CHD7: variants seen among roughly 807,000 people sequenced by gnomAD.
CHD7 encodes chromodomain helicase DNA binding protein 7.
A neutral mutation model predicts 307.3 loss-of-function variants in CHD7; 24 were observed. The observed-to-expected ratio is 0.08, with a 90% CI of 0.06 to 0.11. The LOEUF (loss-of-function observed/expected upper bound fraction) is 0.11. CHD7 is among the 10% of genes least tolerant of loss of function. The pLI is 1.00. For missense variants in CHD7, 3,106 were observed against 3,727.1 expected, an observed-to-expected ratio of 0.83 and a Z score of 4.34; for synonymous variants, 1,363 against 1,349.9, an observed-to-expected ratio of 1.01 and a Z score of -0.21.
At chr8:60,728,631 C>T (rs1403492180) in intron 1 of CHD7, among the ~76,000 whole-genome samples, 1 of 152,058 alleles carries the variant, frequency 6.6e-6, no homozygotes, top group Non-Finnish European at 1.5e-5. Context: ...CTTGATGTGC[C>T]CGCCTAGCTG....
Position 60,853,360 on chromosome 8 carries a change from G to C in CHD7, c.6635G>C (p.Ser2212Thr). 1 of 1,563,260 alleles carries C rather than the reference G, an allele frequency of 6.4e-7. No homozygotes were observed. Among genetic ancestry groups the C allele is most frequent in the South Asian group, 1.2e-5 (1 of 82,110 alleles). Residue 2212 changes from serine (S) to threonine (T), a missense_variant, in exon 31 of 38, where the codon AGC becomes ACC. Ser to Thr is a moderately conservative substitution (Grantham distance 58). Coordinates refer to ENST00000423902, the MANE Select transcript of CHD7 (RefSeq NM_017780.4). ...ESKQECEAEA[S>T]SVKNELKGVE... ...AAGCAGGAATGTGAGGCAGAGGCCAGCTCTGTGAAAAATGAACTGAAAGGT... is the reference window on the plus strand; with the variant it reads ...AAGCAGGAATGTGAGGCAGAGGCCACCTCTGTGAAAAATGAACTGAAAGGT...
intron 1 of CHD7, among the ~76,000 whole-genome samples, chr8:60,687,063 G>T (rs547329870): frequency 1.3e-5 from 2 of 152,318 alleles, no homozygotes; most frequent in East Asian, 3.9e-4. Context: ...TTACTGGCAT[G>T]CACCACTGTG....
Position 60,847,177 on chromosome 8 carries a change from T to C in CHD7, c.5211-1338T>C, listed in dbSNP as rs139483328. On this transcript the variant is annotated intron_variant, in intron 23 of 37. Coordinates refer to ENST00000423902, the MANE Select transcript of CHD7 (RefSeq NM_017780.4). ...TCACACTTGGCCTATCCAGAACCCA[T>C]GCTGGCCGTGAGTAGGCTCGTGGTT... Among the ~76,000 whole-genome samples, 248 of 152,322 alleles carry C rather than the reference T, an allele frequency of 1.6e-3. 1 individual carries two copies. The highest frequency in any genetic ancestry group is 6.8e-3 in the Middle Eastern group (2 of 294).
At chr8:60,853,763 A>G (rs1159091167) in intron 31 of CHD7, among the ~76,000 whole-genome samples, 1 of 152,218 alleles carries the variant, frequency 6.6e-6, no homozygotes, top group Non-Finnish European at 1.5e-5. Context: ...ATGGAAGTTA[A>G]CTTGTAGTGA....
intron 23 of CHD7, 24 bp downstream of exon 23, chr8:60,845,433 GGA>G (rs1563652717): frequency 1.2e-6 from 2 of 1,604,216 alleles, no homozygotes; most frequent in East Asian, 5.1e-5. Context: ...GGGTGGACCT[GGA>G]GAGCTTAATT....
chr8:60,808,971 T>C (rs954604037), intron 7 of CHD7: 1 of 152,232 alleles, frequency 6.6e-6, no homozygotes, highest in African/African-American at 2.4e-5. Context: ...TCATTGATAA[T>C]GTAAACATTA....
chr8:60,769,622 T>C (rs1810623225), intron 2 of CHD7, among the ~76,000 whole-genome samples: 1 of 152,230 alleles, frequency 6.6e-6, no homozygotes, highest in Non-Finnish European at 1.5e-5. Flanking sequence ...AAGGGCAATA[T>C]CTAACTAGAA....
At chr8:60,760,695 A>G (rs1364160884) in intron 2 of CHD7, among the ~76,000 whole-genome samples, 1 of 151,626 alleles carries the variant, frequency 6.6e-6, no homozygotes, top group Non-Finnish European at 1.5e-5. Context: ...ACATGAACAG[A>G]CACTTCTCAA....
rs762351985 is a variant in CHD7 at position 60,851,277 on chromosome 8, C to T, written c.5623C>T (p.Pro1875Ser). Residue 1875 changes from proline to serine, a missense_variant, in exon 28 of 38, where the codon CCT (proline) becomes TCT (serine). By Grantham distance (74) the Pro-to-Ser change is moderately conservative (BLOSUM62 -1). Coordinates refer to ENST00000423902, the MANE Select transcript of CHD7 (RefSeq NM_017780.4). ...TGCTTTCAAGGAATTTGCAAATTCTCCTTCAGAGGATAAGGAAGAATCCAT... is the reference window on the plus strand; with the variant it reads ...TGCTTTCAAGGAATTTGCAAATTCTTCTTCAGAGGATAAGGAAGAATCCAT... ...KDEIDEFANSPSEDKEESMEI... is the reference protein window; with the variant it reads ...KDEIDEFANSSSEDKEESMEI... The T allele has an allele frequency of 4.5e-6, 7 of 1,556,572 alleles. No homozygotes were observed. Among genetic ancestry groups the T allele is most frequent in the East Asian group, 2.4e-5 (1 of 41,638 alleles).
intron 19 of CHD7, 124 bp from the exon 20 acceptor site, chr8:60,841,520 A>G (rs1175319712): frequency 1.4e-6 from 1 of 735,652 alleles, no homozygotes; most frequent in Admixed American, 2.1e-5. Flanking sequence ...AGTCCCATCT[A>G]CTGTAGTGTC....
intron 2 of CHD7, among the ~76,000 whole-genome samples, chr8:60,759,934 A>G (rs1810096274): frequency 6.6e-6 from 1 of 152,122 alleles, no homozygotes; most frequent in Admixed American, 6.5e-5. Context: ...ATACGTGCTG[A>G]GAATATAATG....
Position 60,865,795 on chromosome 8 carries a change from C to A in CHD7, c.8856C>A (p.Thr2952=), listed in dbSNP as rs770325741. Residue 2952 remains threonine (T), a synonymous_variant, in exon 38 of 38, where the codon ACC becomes ACA. Coordinates refer to ENST00000423902, the MANE Select transcript of CHD7 (RefSeq NM_017780.4). This position sits in a 1 kb window ranked among gnomAD's most constrained non-coding sequence, Gnocchi z 4.3. ...AEGGPFKDGE[T]LEGSDAEESL... ...GAGGACCCTTTAAAGATGGAGAGAC[C>A]CTTGAAGGCAGCGATGCCGAGGAGA... 1.9e-6 allele frequency: 3 copies of A among 1,613,954 alleles called. No homozygotes were observed. Among genetic ancestry groups the A allele is most frequent in the Non-Finnish European group, 2.5e-6 (3 of 1,179,872 alleles).
At position 60,816,127 on chromosome 8, in the gene CHD7, C is replaced by G. The variant is rs937457278; in HGVS notation, c.2499-260C>G. Among the ~76,000 whole-genome samples, 179 of 145,344 alleles carry G rather than the reference C, an allele frequency of 1.2e-3. 2 individuals are homozygous for G. Among genetic ancestry groups the G allele is most frequent in the Non-Finnish European group, 1.8e-3 (122 of 67,180 alleles). On this transcript the variant is annotated intron_variant, in intron 7 of 37. Coordinates refer to ENST00000423902, the MANE Select transcript of CHD7 (RefSeq NM_017780.4). ...TCTGTCTGTCTGTCTCTCTCTCTCT[C>G]TCTCTCTCTCTCTCTCTCTCTCTCT... is the stretch of plus-strand genomic sequence containing the variant.
chr8:60,831,180 A>G lies in CHD7; in HGVS notation c.3778+603A>G, dbSNP rs535535585. Among the ~76,000 whole-genome samples the G allele has an allele frequency of 5.9e-5, 9 of 152,286 alleles. No homozygotes were observed. The South Asian group carries it at 1.2e-3, about 21-fold the overall frequency. On this transcript the variant is annotated intron_variant, in intron 15 of 37. Transcript: ENST00000423902. ...TTTGGAAATCATTAAGGTAGTAAAT[A>G]TTTCATGCTTATGTTGTATAAGATA...
chr8:60,690,669 C>T (rs901585831), intron 1 of CHD7, among the ~76,000 whole-genome samples: 2 of 152,198 alleles, frequency 1.3e-5, no homozygotes, highest in Admixed American at 1.3e-4. Flanking sequence ...GTAATTTCCC[C>T]ACACTGTGGA....
At chr8:60,696,824 A>G (rs1322587295) in intron 1 of CHD7, among the ~76,000 whole-genome samples, 1 of 151,530 alleles carries the variant, frequency 6.6e-6, no homozygotes, top group East Asian at 1.9e-4. Flanking sequence ...ATCTGAAACA[A>G]TACTTTCAAA....
In CHD7 at chr8:60,819,990, T is replaced by G; in HGVS notation, c.2614-17T>G. 1.3e-6 allele frequency: 2 copies of G among 1,545,124 alleles called. No individual in the cohort carries two copies. The highest frequency in any genetic ancestry group is 1.8e-6 in the Non-Finnish European group (2 of 1,128,532). On this transcript the variant is annotated splice_polypyrimidine_tract_variant and intron_variant, in intron 8 of 37. Transcript: ENST00000423902. The stretch of plus-strand genomic sequence containing the variant: ...AAATAAGTAAACCTTTAACTTTTTT[T>G]TTTCCCTTTGGTGTAGATTGAGGAT...
rs1805711940 is a variant in CHD7 at position 60,856,445 on chromosome 8, G to C, written c.7165G>C (p.Glu2389Gln). The C allele has an allele frequency of 6.2e-7, 1 of 1,606,354 alleles. No individual in the cohort carries two copies. The highest frequency in any genetic ancestry group is 1.3e-5 in the African/African-American group (1 of 74,542). Residue 2389 changes from glutamate to glutamine, a missense_variant and splice_region_variant, in exon 34 of 38, where the codon GAA becomes CAA. Around this residue, in one of 10 missense-constraint regions of CHD7, gnomAD observed 1,030 missense variants for 1,165.4 expected, o/e 0.88. Coordinates refer to ENST00000423902, the MANE Select transcript of CHD7 (RefSeq NM_017780.4). ...CTGTTCTGTTGGAATTTTTCAATAG[G>C]AAGATGCCCTCAACCTCTCTGTCCC... is the stretch of plus-strand genomic sequence containing the variant. Reference protein sequence around the residue: ...DITTSPQLSKEDALNLSVPRQ... With the variant: ...DITTSPQLSKQDALNLSVPRQ...
chr8:60,814,108 C>T (rs540398787), intron 7 of CHD7, among the ~76,000 whole-genome samples: 37 of 152,270 alleles, frequency 2.4e-4, no homozygotes, highest in African/African-American at 6.7e-4. Flanking sequence ...CCAGTTAGGA[C>T]GTTTTCTTGC....
Sources: gnomAD v4.1 joint callset for allele counts (sites outside exome capture counted in the v4.1 genomes callset) on GRCh38, gnomAD v4.1.1 for gene constraint, gnomAD v4.1.1 regional missense constraint, Gnocchi (gnomAD v3.1) non-coding constraint, MANE v1.5 for transcripts, NCBI Gene and HGNC (gene_info 2026-07-23, HGNC 2026-07-21) for gene names.